Variants in DMD observed in about 807,000 individuals in gnomAD.
DMD encodes the protein mutant dystrophin.
DMD carries 63 observed loss-of-function variants against 330.1 expected under a neutral mutation model. The ratio of observed to expected loss-of-function variants is 0.19; its 90% CI spans 0.16 to 0.24. The LOEUF (loss-of-function observed/expected upper bound fraction) is 0.24. Ranked by LOEUF, DMD falls within the 10% of genes least tolerant of loss-of-function variation. The pLI, the probability that DMD is intolerant of heterozygous loss-of-function variation, is 1.00. For synonymous variants in DMD, 1,223 were observed against 959.8 expected, an observed-to-expected ratio of 1.27 and a Z score of -5.07; for missense variants, 3,344 against 2,684.1, an observed-to-expected ratio of 1.25 and a Z score of -5.43.
At chrX:32,216,623 C>T (rs1168048720) in intron 44 of DMD, among the ~76,000 whole-genome samples, 1 of 111,508 alleles carries the variant, frequency 9.0e-6, no homozygotes, top group Non-Finnish European at 1.9e-5. Context: ...GCCCCAAAGC[C>T]ACAAAACACC....
chrX:32,824,190 G>T (rs1490040718), intron 4 of DMD, among the ~76,000 whole-genome samples: 2 of 111,979 alleles, frequency 1.8e-5, no homozygotes, highest in Non-Finnish European at 3.8e-5. Flanking sequence ...TTGGAAAACA[G>T]TCTGGCAGTT....
At chrX:32,253,796 G>A (rs1052500575) in intron 43 of DMD, among the ~76,000 whole-genome samples, 1 of 107,785 alleles carries the variant, frequency 9.3e-6, no homozygotes, top group Non-Finnish European at 1.9e-5. Context: ...GCTAATTTTT[G>A]TATTTTTAGT....
chrX:32,354,249 C>G (rs900572082), intron 37 of DMD, among the ~76,000 whole-genome samples: 2 of 111,363 alleles, frequency 1.8e-5, no homozygotes, highest in African/African-American at 3.2e-5. Context: ...ATAAATAATC[C>G]AAGTGCTACA....
chrX:31,257,633 A>G (rs1267600226), intron 63 of DMD, among the ~76,000 whole-genome samples: 4 of 108,550 alleles, frequency 3.7e-5, no homozygotes, highest in Non-Finnish European at 7.9e-5. Flanking sequence ...CTGGTAGTTA[A>G]TCTTATATGG....
chrX:31,480,122 T>G (rs2068141758), intron 57 of DMD, among the ~76,000 whole-genome samples: 3 of 112,304 alleles, frequency 2.7e-5, no homozygotes, highest in Non-Finnish European at 3.8e-5. Context: ...TTTTTTCAAC[T>G]CTGTCTTTTA....
chrX:32,655,142 T>G (rs2146996013), intron 9 of DMD, among the ~76,000 whole-genome samples: 1 of 111,959 alleles, frequency 8.9e-6, no homozygotes, highest in African/African-American at 3.3e-5. Flanking sequence ...TTTCCTTCAG[T>G]TGGGCTCTGA....
chrX:32,338,288 T>C (rs1231465144), intron 41 of DMD, among the ~76,000 whole-genome samples: 1 of 111,314 alleles, frequency 9.0e-6, no homozygotes, highest in Admixed American at 9.6e-5. Context: ...TCCACGTTGG[T>C]TGACCTTTAT....
chrX:32,866,450 A>G (rs937644239), intron 2 of DMD, among the ~76,000 whole-genome samples: 1 of 111,482 alleles, frequency 9.0e-6, no homozygotes, highest in African/African-American at 3.3e-5. Context: ...CATTATAAAG[A>G]TATTTATAAA....
Position 31,760,283 on chromosome X carries a change from C to T in DMD, c.7542+13677G>A, listed in dbSNP as rs942881606. Among the ~76,000 whole-genome samples the T allele has an allele frequency of 2.5e-4, 28 of 111,965 alleles. No individual in the cohort carries two copies. The Admixed American group carries it at 2.6e-3, about 10-fold the overall frequency. On this transcript the variant is annotated intron_variant, in intron 51 of 78. Transcript: ENST00000357033. The stretch of plus-strand genomic sequence containing the variant: ...AACCACTTTATTGATTTCTTAACCA[C>T]TTTATTGACATAAAAAGCTATACAC...
At chrX:31,565,651 T>C (rs565125009) in intron 55 of DMD, among the ~76,000 whole-genome samples, 3 of 111,592 alleles carry the variant, frequency 2.7e-5, no homozygotes, top group African/African-American at 6.5e-5. Flanking sequence ...AATTGCTGGG[T>C]TGTATGGTAG....
At chrX:33,275,622 G>A (rs1327898247) in intron 1 of DMD, among the ~76,000 whole-genome samples, 1 of 111,545 alleles carries the variant, frequency 9.0e-6, no homozygotes, top group East Asian at 2.8e-4. Context: ...CTTAACATTG[G>A]CAATTTGCTA....
chrX:31,376,780 C>T (rs1602297041), intron 60 of DMD, among the ~76,000 whole-genome samples: 2 of 112,079 alleles, frequency 1.8e-5, no homozygotes. Context: ...TTTCTTCTGT[C>T]CTAGTTTTAA....
intron 47 of DMD, among the ~76,000 whole-genome samples, chrX:31,891,046 G>C (rs1387325159): frequency 2.7e-5 from 3 of 111,533 alleles, no homozygotes; most frequent in Non-Finnish European, 5.7e-5. Flanking sequence ...AATGAAACAT[G>C]GCTAACAAAG....
At chrX:31,284,841 CACA>C (rs2053051334) in intron 62 of DMD, among the ~76,000 whole-genome samples, 3 of 107,288 alleles carry the variant, frequency 2.8e-5, no homozygotes, top group African/African-American at 1.0e-4. Flanking sequence ...CACACACACA[CACA>C]CACACACACA....
chrX:32,482,587 A>G (rs1477605322), intron 21 of DMD, among the ~76,000 whole-genome samples: 1 of 111,737 alleles, frequency 8.9e-6, no homozygotes, highest in Non-Finnish European at 1.9e-5. Flanking sequence ...CGTTTTGGCT[A>G]TTATGAATAA....
At chrX:32,076,256 G>A (rs2096349005) in intron 44 of DMD, among the ~76,000 whole-genome samples, 1 of 109,151 alleles carries the variant, frequency 9.2e-6, no homozygotes, top group Non-Finnish European at 1.9e-5. Flanking sequence ...GGCAAATGGA[G>A]GTAATGCTTT....
intron 55 of DMD, among the ~76,000 whole-genome samples, chrX:31,574,297 C>T (rs1394916302): frequency 2.8e-5 from 3 of 108,442 alleles, no homozygotes; most frequent in South Asian, 4.2e-4. Context: ...GCGCCCACCA[C>T]AACACCCGGC....
chrX:32,226,855 T>TA (rs760143759), intron 43 of DMD, among the ~76,000 whole-genome samples: 1 of 110,804 alleles, frequency 9.0e-6, no homozygotes, highest in African/African-American at 3.3e-5. Flanking sequence ...GAATTTAGAA[T>TA]AAAAAAATCA....
intron 77 of DMD, among the ~76,000 whole-genome samples, chrX:31,129,842 G>C (rs1452368388): frequency 8.9e-6 from 1 of 111,995 alleles, no homozygotes; most frequent in Non-Finnish European, 1.9e-5. Context: ...TTCCATAAAA[G>C]AACCACAGAA....
Sources: allele counts gnomAD v4.1 joint callset (sites outside exome capture counted in the v4.1 genomes callset), GRCh38; gene constraint gnomAD v4.1.1; transcripts MANE v1.5; gene names NCBI Gene and HGNC (gene_info 2026-07-23, HGNC 2026-07-21).